The following XPNPEP1 variants were observed in gnomAD, a reference collection of about 807,000 sequenced individuals.
XPNPEP1 encodes X-prolyl aminopeptidase 1.
A neutral mutation model predicts 92.4 loss-of-function variants in XPNPEP1; 39 were observed. That is an observed-to-expected ratio of 0.42 (90% CI 0.33 to 0.55). The LOEUF (loss-of-function observed/expected upper bound fraction) is 0.55. Among genes scored for constraint, XPNPEP1 ranks in the 20% least tolerant of loss-of-function variants. The pLI is 0.08. For missense variants in XPNPEP1, 654 were observed against 856.1 expected, an observed-to-expected ratio of 0.76 and a Z score of 2.95; for synonymous variants, 307 against 299.4, an observed-to-expected ratio of 1.03 and a Z score of -0.26.
chr10:109,923,152 C>A, intron 1 of XPNPEP1: 1 of 984,688 alleles, frequency 1.0e-6, no homozygotes, highest in Non-Finnish European at 1.2e-6. Flanking sequence ...CGCGGGCATA[C>A]GCGTCCAGGA....
intron 7 of XPNPEP1, among the ~76,000 whole-genome samples, 193 bp from the exon 8 acceptor site, chr10:109,886,534 T>C (rs1377157113): frequency 2.6e-5 from 4 of 152,200 alleles, no homozygotes; most frequent in South Asian, 2.1e-4. Context: ...TGAGCCTTGA[T>C]TGCCTCACCA....
chr10:109,899,402 G>T (rs916041849), intron 3 of XPNPEP1, among the ~76,000 whole-genome samples: 4 of 152,272 alleles, frequency 2.6e-5, no homozygotes, highest in South Asian at 2.1e-4. Flanking sequence ...GGATGGAAGA[G>T]CCTAGATCCC....
In XPNPEP1 at chr10:109,918,829, AAAGGAGGAAGGAAGGAAGGAAGGAAGGAG is replaced by A. The variant is rs1316520861; in HGVS notation, c.33-3759_33-3731del. ...GGAAAGGAAAGAAAGGAAAGAAAGG[AAAGGAGGAAGGAAGGAAGGAAGGAAGGAG>A]GGAAGGAAGGAAGGAAGGAAGGAAG... On this transcript the variant is annotated intron_variant, in intron 1 of 20. Coordinates refer to ENST00000502935, the MANE Select transcript of XPNPEP1 (RefSeq NM_020383.4). Among the ~76,000 whole-genome samples the A allele has an allele frequency of 6.5e-4, 90 of 137,782 alleles. 1 individual carries two copies. Among genetic ancestry groups the A allele is most frequent in the Middle Eastern group, 3.5e-3 (1 of 284 alleles). The allele number at this position is 137,782 out of a possible 152,430, so 90.4% of individuals were successfully genotyped here. A position where few individuals can be genotyped will look rare whatever the true frequency, so the allele number is the denominator to read the frequency against.
intron 2 of XPNPEP1, among the ~76,000 whole-genome samples, chr10:109,913,393 A>C (rs1849988111): frequency 6.6e-6 from 1 of 152,214 alleles, no homozygotes; most frequent in South Asian, 2.1e-4. Context: ...GTCTCGTTAT[A>C]AGAATGGAAG....
intron 17 of XPNPEP1, 183 bp from the exon 18 acceptor site, chr10:109,871,087 A>G: frequency 6.3e-6 from 4 of 630,720 alleles, no homozygotes; most frequent in Non-Finnish European, 1.0e-5. Context: ...ATCAGAGCTC[A>G]GTCTGAAGCT....
chr10:109,923,393 T>C lies in XPNPEP1; in HGVS notation c.32+9A>G, dbSNP rs1452099757. On this transcript the variant is annotated intron_variant, in intron 1 of 20. Coordinates refer to ENST00000502935, the MANE Select transcript of XPNPEP1 (RefSeq NM_020383.4). The stretch of plus-strand genomic sequence containing the variant: ...GCCCGGACGCCGGCTGCCGGCGGAG[T>C]GCCCTCACCTTACTCGCGGTGGCTT... 4.2e-6 allele frequency: 6 copies of C among 1,432,902 alleles called. No homozygotes were observed. The highest frequency in any genetic ancestry group is 5.5e-6 in the Non-Finnish European group (6 of 1,092,482). The allele number at this position is 1,432,902 out of a possible 1,614,324, so 88.8% of individuals were successfully genotyped here. A position where few individuals can be genotyped will look rare whatever the true frequency, so the allele number is the denominator to read the frequency against.
chr10:109,867,737 G>T lies in XPNPEP1; in HGVS notation c.1872+877C>A, dbSNP rs552163785. ...TCAGATAACAAAATATTCTTATTCC[G>T]AGAGTAACCCACCGTGCTTACCCTG... On this transcript the variant is annotated intron_variant, in intron 20 of 20. Coordinates refer to ENST00000502935, the MANE Select transcript of XPNPEP1 (RefSeq NM_020383.4). The surrounding 1 kb of genome is among the most constrained non-coding windows in gnomAD (Gnocchi z 4.5). Among the ~76,000 whole-genome samples, 3 of 152,184 alleles carry T rather than the reference G, an allele frequency of 2.0e-5. No homozygotes were observed. The highest frequency in any genetic ancestry group is 2.1e-4 in the South Asian group (1 of 4,826).
At chr10:109,878,796 A>G (rs1347401855) in intron 12 of XPNPEP1, among the ~76,000 whole-genome samples, 1 of 151,606 alleles carries the variant, frequency 6.6e-6, no homozygotes, top group Admixed American at 6.6e-5. Flanking sequence ...GGATCACCTG[A>G]GCTTGGGGAG....
At chr10:109,905,477 G>A (rs1041807590) in intron 3 of XPNPEP1, among the ~76,000 whole-genome samples, 6 of 152,076 alleles carry the variant, frequency 3.9e-5, no homozygotes, top group African/African-American at 1.4e-4. Flanking sequence ...CAAAGTGCTG[G>A]GATTACAGGC....
Position 109,882,659 on chromosome 10 carries a change from G to C in XPNPEP1, c.831-17C>G. The C allele has an allele frequency of 6.2e-7, 1 of 1,613,424 alleles. No individual in the cohort carries two copies. Among genetic ancestry groups the C allele is most frequent in the Non-Finnish European group, 8.5e-7 (1 of 1,179,498 alleles). ...ATGAAGAGCCTGCAGATGGAGGAGAGGTGGGTGGCAGAAAAAGGAGGGAAC... is the reference window on the plus strand; with the variant it reads ...ATGAAGAGCCTGCAGATGGAGGAGACGTGGGTGGCAGAAAAAGGAGGGAAC... On this transcript the variant is annotated splice_polypyrimidine_tract_variant and intron_variant, in intron 9 of 20. Coordinates refer to ENST00000502935, the MANE Select transcript of XPNPEP1 (RefSeq NM_020383.4).
chr10:109,882,517 T>G lies in XPNPEP1; in HGVS notation c.956A>C (p.Lys319Thr). ...HPYKSILSELKALCADLSPRE... is the reference protein window; with the variant it reads ...HPYKSILSELTALCADLSPRE... ...TGGGGAGAGGTCAGCACACAGGGCCTTGAGCTCGCTCAGGATGGACTTGTA... is the reference window on the plus strand; with the variant it reads ...TGGGGAGAGGTCAGCACACAGGGCCGTGAGCTCGCTCAGGATGGACTTGTA... Residue 319 changes from lysine to threonine, a missense_variant, in exon 10 of 21, where the codon AAG becomes ACG. By Grantham distance (78) the Lys-to-Thr change is moderately conservative. Transcript: ENST00000502935. 6.2e-7 allele frequency: 1 copy of G among 1,614,210 alleles called. No homozygotes were observed. Among genetic ancestry groups the G allele is most frequent in the Non-Finnish European group, 8.5e-7 (1 of 1,180,034 alleles).
intron 11 of XPNPEP1, 47 bp from the exon 12 acceptor site, chr10:109,880,285 G>T (rs369023826): frequency 6.2e-7 from 1 of 1,600,026 alleles, no homozygotes. Context: ...TGAAAATCAC[G>T]TGACCAGATT....
At chr10:109,908,458 C>A (rs1276623110) in intron 2 of XPNPEP1, among the ~76,000 whole-genome samples, 2 of 152,046 alleles carry the variant, frequency 1.3e-5, no homozygotes, top group African/African-American at 2.4e-5. Context: ...AAAAATCAGC[C>A]AGGTGTGGTG....
intron 8 of XPNPEP1, among the ~76,000 whole-genome samples, chr10:109,885,809 G>T (rs1848357464): frequency 6.6e-6 from 1 of 152,178 alleles, no homozygotes; most frequent in Admixed American, 6.5e-5. Context: ...GCTTGGGGAG[G>T]AACTTTTAGT....
intron 20 of XPNPEP1, among the ~76,000 whole-genome samples, chr10:109,866,128 G>A (rs1847129984): frequency 6.6e-6 from 1 of 152,242 alleles, no homozygotes; most frequent in Non-Finnish European, 1.5e-5. Flanking sequence ...AAGCTGATGA[G>A]ACTGATAGTG....
chr10:109,887,107 G>A (rs985679306), intron 7 of XPNPEP1, among the ~76,000 whole-genome samples: 8 of 152,150 alleles, frequency 5.3e-5, no homozygotes, highest in African/African-American at 9.7e-5. Context: ...TCAGCACCTC[G>A]CACAGCATCC....
rs72828205 is a variant in XPNPEP1, at chr10:109,899,321, G to A, written c.247-6246C>T. On this transcript the variant is annotated intron_variant, in intron 3 of 20. Coordinates refer to ENST00000502935, the MANE Select transcript of XPNPEP1 (RefSeq NM_020383.4). The stretch of plus-strand genomic sequence containing the variant: ...GTGGGTGAGAGGTGATACCTGGGTC[G>A]GGGCTCTAACAAATGAGTGTGCCCT... 4.0e-3 allele frequency among the ~76,000 whole-genome samples: 614 copies of A among 152,186 alleles called. 2 individuals are homozygous for A. Among genetic ancestry groups the A allele is most frequent in the Non-Finnish European group, 6.0e-3 (408 of 68,014 alleles).
intron 8 of XPNPEP1, 70 bp downstream of exon 8, chr10:109,886,176 C>A (rs2133419115): frequency 1.3e-6 from 2 of 1,508,690 alleles, no homozygotes; most frequent in East Asian, 4.7e-5. Flanking sequence ...ATGGCATGAA[C>A]ACACAGATAC....
At chr10:109,901,394 A>G (rs1377266668) in intron 3 of XPNPEP1, among the ~76,000 whole-genome samples, 1 of 152,210 alleles carries the variant, frequency 6.6e-6, no homozygotes, top group Non-Finnish European at 1.5e-5. Context: ...CATGTACCCT[A>G]GAACTTAAAG....
Sources: allele counts gnomAD v4.1 joint callset (sites outside exome capture counted in the v4.1 genomes callset), GRCh38; gene constraint gnomAD v4.1.1; non-coding constraint Gnocchi (gnomAD v3.1); transcripts MANE v1.5; gene names NCBI Gene and HGNC (gene_info 2026-07-23, HGNC 2026-07-21).